Variants in MMAB observed in about 807,000 individuals in gnomAD.
MMAB encodes corrinoid adenosyltransferase MMAB.
A neutral mutation model predicts 30.6 loss-of-function variants in MMAB; 17 were observed. The observed-to-expected ratio is 0.56, with a 90% CI of 0.38 to 0.83. MMAB has a LOEUF of 0.83. Among genes scored for constraint, MMAB ranks in the 40% least tolerant of loss-of-function variants. MMAB has a pLI of 0.00. For missense variants in MMAB, 311 were observed against 331.6 expected (o/e 0.94, Z 0.48); for synonymous variants, 134 against 138.6 (o/e 0.97, Z 0.23).
intron 3 of MMAB, among the ~76,000 whole-genome samples, chr12:109,567,666 C>G (rs908678646): frequency 6.6e-6 from 1 of 152,208 alleles, no homozygotes; most frequent in African/African-American, 2.4e-5. Flanking sequence ...GAGTCGTACT[C>G]TGTCACCCAG....
intron 4 of MMAB, among the ~76,000 whole-genome samples, chr12:109,562,459 G>C (rs1159545913): frequency 6.6e-6 from 1 of 152,170 alleles, no homozygotes; most frequent in African/African-American, 2.4e-5. Context: ...CCCTGCTGAG[G>C]GGGACCTGGT....
At chr12:109,573,130 GC>G in intron 1 of MMAB, 1 of 641,118 alleles carries the variant, frequency 1.6e-6, no homozygotes, top group East Asian at 2.8e-5. Context: ...GATATGCCCT[GC>G]CCTGCCCGAT....
At chr12:109,571,818 T>G in intron 1 of MMAB, 108 bp from the exon 2 acceptor site, 1 of 836,204 alleles carries the variant, frequency 1.2e-6, no homozygotes, top group Non-Finnish European at 2.1e-6. Flanking sequence ...AGGCAGCACT[T>G]ACCCCTTACT....
chr12:109,559,177 A>G (rs770351279), intron 7 of MMAB, 22 bp from the exon 8 acceptor site: 1 of 1,599,440 alleles, frequency 6.3e-7, no homozygotes, highest in Non-Finnish European at 8.6e-7. Context: ...GGAGACACTG[A>G]GTCACGTGAC....
intron 4 of MMAB, among the ~76,000 whole-genome samples, chr12:109,562,099 C>T (rs949604267): frequency 2.6e-5 from 4 of 152,092 alleles, no homozygotes; most frequent in Non-Finnish European, 4.4e-5. Context: ...AGCCCCAGCC[C>T]CCTAGTGCTG....
At position 109,553,750 on chromosome 12, in the gene MMAB, G is replaced by T. The variant is rs1231735704; in HGVS notation, c.*3278C>A. 2.4e-6 allele frequency: 1 copy of T among 416,784 alleles called. No homozygotes were observed. The highest frequency in any genetic ancestry group is 2.1e-5 in the African/African-American group (1 of 48,672). The allele number at this position is 416,784 out of a possible 1,614,324, so 25.8% of individuals were successfully genotyped here. A position where few individuals can be genotyped will look rare whatever the true frequency, so the allele number is the denominator to read the frequency against. ...ATTCATGCGGAATTTATTATACAAA[G>T]AATTTTATTCAATTAAACTTGAAAT... On this transcript the variant is annotated 3_prime_UTR_variant, in exon 9 of 9. Coordinates refer to ENST00000545712, the MANE Select transcript of MMAB (RefSeq NM_052845.4).
In MMAB at chr12:109,561,921, G is replaced by T. The variant is rs902546017; in HGVS notation, c.349-69C>A. 7.0e-7 allele frequency: 1 copy of T among 1,419,252 alleles called. No individual in the cohort carries two copies. 87.9% of individuals were successfully genotyped at this position (1,419,252 alleles called of 1,614,324 possible). ...GGCTGGACAGAGACAATGTGCAGAGGCGCCACCTAATACGCCGGCAAAGCC... is the reference window on the plus strand; with the variant it reads ...GGCTGGACAGAGACAATGTGCAGAGTCGCCACCTAATACGCCGGCAAAGCC... On this transcript the variant is annotated intron_variant, in intron 4 of 8. Coordinates refer to ENST00000545712, the MANE Select transcript of MMAB (RefSeq NM_052845.4). This position sits in a 1 kb window ranked among gnomAD's most constrained non-coding sequence, Gnocchi z 5.3.
chr12:109,558,153 T>C lies in MMAB; in HGVS notation c.644+943A>G, dbSNP rs958032232. 2.6e-5 allele frequency among the ~76,000 whole-genome samples: 4 copies of C among 152,222 alleles called. No individual in the cohort carries two copies. Among genetic ancestry groups the C allele is most frequent in the Non-Finnish European group, 4.4e-5 (3 of 67,994 alleles). The stretch of plus-strand genomic sequence containing the variant: ...CTCAGGAAGAGCGAAGGGGAGGTTG[T>C]TCAGGGTATTTTACCCCTGGGCCGC... On this transcript the variant is annotated intron_variant, in intron 8 of 8. Coordinates refer to ENST00000545712, the MANE Select transcript of MMAB (RefSeq NM_052845.4). The surrounding 1 kb of genome is among the most constrained non-coding windows in gnomAD (Gnocchi z 4.3).
At position 109,554,138 on chromosome 12, in the gene MMAB, G is replaced by A. The variant is rs1005573398; in HGVS notation, c.*2890C>T. 15 of 453,802 alleles carry A rather than the reference G, an allele frequency of 3.3e-5. No homozygotes were observed. The highest frequency in any genetic ancestry group is 2.8e-4 in the East Asian group (4 of 14,398). 28.1% of individuals were successfully genotyped at this position (453,802 alleles called of 1,614,324 possible). On this transcript the variant is annotated 3_prime_UTR_variant, in exon 9 of 9. Coordinates refer to ENST00000545712, the MANE Select transcript of MMAB (RefSeq NM_052845.4). ...ACGGGGCTGTGAGTGACGAGGCCGC[G>A]TCCGGGGCTCACATCTTGGCACTGA... is the stretch of plus-strand genomic sequence containing the variant.
intron 4 of MMAB, among the ~76,000 whole-genome samples, chr12:109,562,260 A>T (rs542890123): frequency 1.3e-5 from 2 of 152,316 alleles, no homozygotes; most frequent in East Asian, 3.9e-4. Context: ...GCCTCCCCAG[A>T]AGCAGAAGCC....
rs1372261616 is a variant in MMAB, at chr12:109,554,210, T to G, written c.*2818A>C. 4 of 453,714 alleles carry G rather than the reference T, an allele frequency of 8.8e-6. No homozygotes were observed. The highest frequency in any genetic ancestry group is 1.8e-5 in the Non-Finnish European group (4 of 226,564). The allele number at this position is 453,714 out of a possible 1,614,324, so 28.1% of individuals were successfully genotyped here. On this transcript the variant is annotated 3_prime_UTR_variant, in exon 9 of 9. Coordinates refer to ENST00000545712, the MANE Select transcript of MMAB (RefSeq NM_052845.4). ...CCCACCCAATGCCTCCTTCCAGGGC[T>G]GCTATGGGGTTCAAATGAGATAATG...
rs1053967510 is a variant in MMAB, at chr12:109,569,469, C to T, written c.197-606G>A. Among the ~76,000 whole-genome samples the T allele has an allele frequency of 1.3e-5, 2 of 152,208 alleles. No individual in the cohort carries two copies. The highest frequency in any genetic ancestry group is 4.8e-5 in the African/African-American group (2 of 41,438). On this transcript the variant is annotated intron_variant, in intron 2 of 8. Transcript: ENST00000545712. This position sits in a 1 kb window ranked among gnomAD's most constrained non-coding sequence, Gnocchi z 4.1. Reference sequence around the variant, plus strand: ...CTCACTTCTTTCCTGATGTGCTTTTCAACTTAAAAACCACATACTAACCAT... The same window carrying T: ...CTCACTTCTTTCCTGATGTGCTTTTTAACTTAAAAACCACATACTAACCAT...
rs1434045812 is a variant in MMAB at position 109,569,703 on chromosome 12, G to A, written c.197-840C>T. Reference sequence around the variant, plus strand: ...TTTGGGGTTGCCAGGTGCCGGCCTGGCACTCACAGGTAGACTGTGGTGTTC... The same window carrying A: ...TTTGGGGTTGCCAGGTGCCGGCCTGACACTCACAGGTAGACTGTGGTGTTC... On this transcript the variant is annotated intron_variant, in intron 2 of 8. Transcript: ENST00000545712. This position sits in a 1 kb window ranked among gnomAD's most constrained non-coding sequence, Gnocchi z 4.1. Among the ~76,000 whole-genome samples, 2 of 152,148 alleles carry A rather than the reference G, an allele frequency of 1.3e-5. No homozygotes were observed. Among genetic ancestry groups the A allele is most frequent in the Non-Finnish European group, 2.9e-5 (2 of 68,032 alleles).
Position 109,558,726 on chromosome 12 carries a change from G to A in MMAB, c.644+370C>T, listed in dbSNP as rs943104005. On this transcript the variant is annotated intron_variant, in intron 8 of 8. Coordinates refer to ENST00000545712, the MANE Select transcript of MMAB (RefSeq NM_052845.4). This position sits in a 1 kb window ranked among gnomAD's most constrained non-coding sequence, Gnocchi z 4.3. ...CGGGGACAGGAAACTGGCTGAGAGAGGGCCTGAAGCCTGGCTCCCTGGTCA... is the reference window on the plus strand; with the variant it reads ...CGGGGACAGGAAACTGGCTGAGAGAAGGCCTGAAGCCTGGCTCCCTGGTCA... Among the ~76,000 whole-genome samples the A allele has an allele frequency of 1.3e-5, 2 of 151,988 alleles. No individual in the cohort carries two copies. Among genetic ancestry groups the A allele is most frequent in the African/African-American group, 4.8e-5 (2 of 41,360 alleles).
chr12:109,554,846 T>C lies in MMAB; in HGVS notation c.*2182A>G, dbSNP rs1192008183. 1 of 453,960 alleles carries C rather than the reference T, an allele frequency of 2.2e-6. No individual in the cohort carries two copies. 28.1% of individuals were successfully genotyped at this position (453,960 alleles called of 1,614,324 possible). ...CCCCCAAAGCAAGCTTTCTCCATTT[T>C]TCCCAGGTTGGTAGCACAGGAGAGA... On this transcript the variant is annotated 3_prime_UTR_variant, in exon 9 of 9. Coordinates refer to ENST00000545712, the MANE Select transcript of MMAB (RefSeq NM_052845.4).
intron 7 of MMAB, 116 bp from the exon 8 acceptor site, chr12:109,559,271 C>T (rs1884104882): frequency 1.2e-6 from 1 of 800,232 alleles, no homozygotes; most frequent in Admixed American, 1.9e-5. Context: ...TGAACCTGCA[C>T]AGGCTCGGCC....
chr12:109,561,690 T>C lies in MMAB; in HGVS notation c.421+90A>G, dbSNP rs1884212085. On this transcript the variant is annotated intron_variant, in intron 5 of 8. Coordinates refer to ENST00000545712, the MANE Select transcript of MMAB (RefSeq NM_052845.4). This position sits in a 1 kb window ranked among gnomAD's most constrained non-coding sequence, Gnocchi z 5.3. ...CAAGGCTAACTGACCCACCCGTGGG[T>C]CCCTGGGGGCCTGGGATCCCAGATG... 3.7e-6 allele frequency: 5 copies of C among 1,349,034 alleles called. No homozygotes were observed. Among genetic ancestry groups the C allele is most frequent in the Non-Finnish European group, 5.2e-6 (5 of 964,592 alleles). 83.6% of individuals were successfully genotyped at this position (1,349,034 alleles called of 1,614,324 possible).
chr12:109,564,314 C>T (rs559127939), intron 4 of MMAB, among the ~76,000 whole-genome samples: 59 of 151,684 alleles, frequency 3.9e-4, no homozygotes, highest in African/African-American at 1.4e-3. Context: ...TCATTTAGTA[C>T]AATCCTCCCC....
intron 3 of MMAB, among the ~76,000 whole-genome samples, chr12:109,566,823 C>A (rs904591980): frequency 6.6e-6 from 1 of 152,228 alleles, no homozygotes; most frequent in Non-Finnish European, 1.5e-5. Context: ...AACTGAGAGA[C>A]GATGGCTCGT....
Sources: allele counts gnomAD v4.1 joint callset (sites outside exome capture counted in the v4.1 genomes callset), GRCh38; gene constraint gnomAD v4.1.1; non-coding constraint Gnocchi (gnomAD v3.1); transcripts MANE v1.5; gene names NCBI Gene and HGNC (gene_info 2026-07-23, HGNC 2026-07-21).